The following CNBD1 variants were observed in gnomAD, a reference collection of about 807,000 sequenced individuals.
CNBD1 encodes cyclic nucleotide-binding domain-containing protein 1.
In CNBD1, 71 loss-of-function variants were observed where a neutral mutation model predicts 54.4. That is an observed-to-expected ratio of 1.30 (90% CI 1.08 to 1.59). The LOEUF (loss-of-function observed/expected upper bound fraction) is 1.59. Among genes scored for constraint, CNBD1 ranks in the 40% most tolerant of loss-of-function variants. The pLI, the probability that CNBD1 is intolerant of heterozygous loss-of-function variation, is 0.00. For synonymous variants in CNBD1, 182 were observed against 170.7 expected, an observed-to-expected ratio of 1.07 and a Z score of -0.51; for missense variants, 659 against 518.0, an observed-to-expected ratio of 1.27 and a Z score of -2.64.
chr8:87,008,671 C>A (rs912784188), intron 4 of CNBD1, among the ~76,000 whole-genome samples: 9 of 151,972 alleles, frequency 5.9e-5, no homozygotes, highest in African/African-American at 2.2e-4. Context: ...CATGAAAGAC[C>A]CACAGGAAAC....
intron 9 of CNBD1, among the ~76,000 whole-genome samples, chr8:87,352,870 GC>G (rs1810334689): frequency 6.6e-6 from 1 of 152,144 alleles, no homozygotes; most frequent in Non-Finnish European, 1.5e-5. Flanking sequence ...TTATATAGGT[GC>G]AAATATTCAA....
chr8:87,117,682 T>G (rs1164579760), intron 4 of CNBD1, among the ~76,000 whole-genome samples: 1 of 152,166 alleles, frequency 6.6e-6, no homozygotes, highest in Non-Finnish European at 1.5e-5. Flanking sequence ...GAGTGAGAAC[T>G]AAGATAAATT....
intron 8 of CNBD1, among the ~76,000 whole-genome samples, chr8:87,321,682 C>T (rs975617454): frequency 2.0e-5 from 3 of 151,990 alleles, no homozygotes; most frequent in Admixed American, 2.0e-4. Flanking sequence ...TGCACAAAAA[C>T]TTTTTAATTT....
At chr8:87,173,213 A>G (rs1006085288) in intron 4 of CNBD1, among the ~76,000 whole-genome samples, 2 of 152,104 alleles carry the variant, frequency 1.3e-5, no homozygotes, top group Non-Finnish European at 2.9e-5. Flanking sequence ...ACTTTTTGTT[A>G]TTTCTATTTA....
intron 5 of CNBD1, among the ~76,000 whole-genome samples, chr8:87,234,780 C>T (rs943223000): frequency 6.6e-6 from 1 of 152,084 alleles, no homozygotes; most frequent in African/African-American, 2.4e-5. Flanking sequence ...CTGCATGTCA[C>T]CATCACGAGC....
In CNBD1 at chr8:87,340,071, G is replaced by A. The variant is rs558401980; in HGVS notation, c.1043-11614G>A. Among the ~76,000 whole-genome samples the A allele has an allele frequency of 1.3e-4, 20 of 152,240 alleles. No homozygotes were observed. In the South Asian group the frequency reaches 4.1e-3, roughly 32 times the overall value. On this transcript the variant is annotated intron_variant, in intron 8 of 10. Coordinates refer to ENST00000518476, the MANE Select transcript of CNBD1 (RefSeq NM_173538.3). ...CCTTTAGCATGTTTTGCCTAAGGCA[G>A]GTCTAGTTATAATAACCTCGCTTAG...
chr8:87,127,494 A>G (rs1812016255), intron 4 of CNBD1, among the ~76,000 whole-genome samples: 1 of 152,212 alleles, frequency 6.6e-6, no homozygotes, highest in African/African-American at 2.4e-5. Context: ...ATTTATGTGT[A>G]TTAATCTTGA....
At chr8:87,241,537 G>T (rs1807708167) in intron 6 of CNBD1, among the ~76,000 whole-genome samples, 1 of 152,116 alleles carries the variant, frequency 6.6e-6, no homozygotes, top group Non-Finnish European at 1.5e-5. Context: ...CTCCCAAAGT[G>T]CTGGGATTAC....
At chr8:86,931,823 A>G (rs1183147668) in intron 3 of CNBD1, among the ~76,000 whole-genome samples, 2 of 152,066 alleles carry the variant, frequency 1.3e-5, no homozygotes, top group African/African-American at 2.4e-5. Context: ...AGGGGAGTAT[A>G]TTTTCTTAAG....
intron 10 of CNBD1, among the ~76,000 whole-genome samples, chr8:87,380,478 G>C (rs13259432): frequency 0.4 from 60,248 of 151,270 alleles, 12,186 homozygotes; most frequent in Middle Eastern, 0.46. Context: ...CCTTCTTTCT[G>C]CAGATTGATT....
chr8:87,060,078 C>G (rs757928191), intron 4 of CNBD1, among the ~76,000 whole-genome samples: 1 of 152,158 alleles, frequency 6.6e-6, no homozygotes, highest in African/African-American at 2.4e-5. Flanking sequence ...CCTTCACTGG[C>G]CACACAGATG....
At chr8:87,217,834 G>A (rs772638842) in intron 5 of CNBD1, among the ~76,000 whole-genome samples, 6 of 151,966 alleles carry the variant, frequency 3.9e-5, no homozygotes, top group South Asian at 2.1e-4. Flanking sequence ...TTTAAAATCC[G>A]TAAAAAGTGG....
At chr8:87,245,495 G>C (rs1343020206) in intron 6 of CNBD1, among the ~76,000 whole-genome samples, 1 of 151,122 alleles carries the variant, frequency 6.6e-6, no homozygotes, top group East Asian at 1.9e-4. Flanking sequence ...TAATATAACT[G>C]TTTCTTATTT....
intron 4 of CNBD1, among the ~76,000 whole-genome samples, chr8:87,165,388 A>G (rs1051054276): frequency 3.9e-5 from 6 of 151,966 alleles, no homozygotes; most frequent in Non-Finnish European, 7.4e-5. Flanking sequence ...TTGCTGTCCA[A>G]TTCTTCTTTC....
intron 4 of CNBD1, among the ~76,000 whole-genome samples, chr8:87,034,307 G>A (rs1029882472): frequency 2.0e-5 from 3 of 152,196 alleles, no homozygotes; most frequent in Non-Finnish European, 2.9e-5. Context: ...CATGAAAAAT[G>A]TGCAAGAACT....
chr8:87,358,540 A>C (rs1023587489), intron 10 of CNBD1, among the ~76,000 whole-genome samples: 1 of 151,424 alleles, frequency 6.6e-6, no homozygotes, highest in Non-Finnish European at 1.5e-5. Flanking sequence ...ACAACATTTC[A>C]CACGTTGTAT....
intron 4 of CNBD1, among the ~76,000 whole-genome samples, chr8:87,123,716 CA>C (rs1811934710): frequency 6.6e-6 from 1 of 151,344 alleles, no homozygotes; most frequent in Non-Finnish European, 1.5e-5. Flanking sequence ...GAAAAATCAA[CA>C]AAATGAAGAG....
chr8:87,268,859 A>G (rs1029855425), intron 6 of CNBD1, among the ~76,000 whole-genome samples: 4 of 151,922 alleles, frequency 2.6e-5, no homozygotes, highest in Non-Finnish European at 5.9e-5. Context: ...ATATTTTCTC[A>G]CATTCTGTAT....
At chr8:87,275,750 G>A (rs1808465825) in intron 6 of CNBD1, among the ~76,000 whole-genome samples, 2 of 151,654 alleles carry the variant, frequency 1.3e-5, no homozygotes, top group African/African-American at 2.4e-5. Context: ...AGGAAATAAA[G>A]GGTATTCAAT....
Sources: gnomAD v4.1 joint callset for allele counts (sites outside exome capture counted in the v4.1 genomes callset) on GRCh38, gnomAD v4.1.1 for gene constraint, MANE v1.5 for transcripts, NCBI Gene and HGNC (gene_info 2026-07-23, HGNC 2026-07-21) for gene names.